Variants in NBEA observed in about 807,000 individuals in gnomAD.
NBEA encodes lysosomal-trafficking regulator 2.
A neutral mutation model predicts 343.4 loss-of-function variants in NBEA; 44 were observed. The observed-to-expected ratio is 0.13, with a 90% CI of 0.10 to 0.16. NBEA has a LOEUF of 0.16. Ranked by LOEUF, NBEA falls within the 10% of genes least tolerant of loss-of-function variation. NBEA has a pLI of 1.00. For synonymous variants in NBEA, 1,175 were observed against 1,238.7 expected, an observed-to-expected ratio of 0.95 and a Z score of 1.08; for missense variants, 2,555 against 3,631.3, an observed-to-expected ratio of 0.70 and a Z score of 7.62.
chr13:35,558,106 G>T (rs2079665750), intron 44 of NBEA, among the ~76,000 whole-genome samples: 1 of 152,114 alleles, frequency 6.6e-6, no homozygotes, highest in Admixed American at 6.6e-5. Flanking sequence ...TATAAGGGGA[G>T]TAGTAATAGT....
intron 16 of NBEA, 103 bp from the exon 17 acceptor site, chr13:35,123,377 CAG>C (rs2066904946): frequency 3.7e-6 from 2 of 540,474 alleles, no homozygotes; most frequent in Non-Finnish European, 5.9e-6. Flanking sequence ...AGAAAATCTT[CAG>C]AGTTTTATAT....
chr13:35,567,405 A>T (rs929820482), intron 45 of NBEA, among the ~76,000 whole-genome samples: 18 of 152,246 alleles, frequency 1.2e-4, no homozygotes, highest in African/African-American at 4.3e-4. Context: ...GGGAAATATA[A>T]TACTGAAAAG....
rs148089353 is a variant in NBEA, at chr13:35,224,331, T to C, written c.5649-8161T>C. Among the ~76,000 whole-genome samples, 612 of 152,328 alleles carry C rather than the reference T, an allele frequency of 4.0e-3. 3 individuals are homozygous for C. Among genetic ancestry groups the C allele is most frequent in the African/African-American group, 0.014 (592 of 41,572 alleles). On this transcript the variant is annotated intron_variant, in intron 33 of 58. Transcript: ENST00000379939. ...TTAGGTATCTTTGTGGAGCCATTAT[T>C]TGGCATACCAGCATACTGCACTTCT...
chr13:35,285,037 C>T (rs1002690965), intron 34 of NBEA, among the ~76,000 whole-genome samples: 1 of 152,098 alleles, frequency 6.6e-6, no homozygotes, highest in African/African-American at 2.4e-5. Flanking sequence ...GCATATTGGA[C>T]ATGCAAAATT....
chr13:35,594,949 A>T (rs956511983), intron 47 of NBEA, among the ~76,000 whole-genome samples: 148 of 96,344 alleles, frequency 1.5e-3, no homozygotes, highest in African/African-American at 4.0e-3. Context: ...TGACATCATC[A>T]CACACACACA....
intron 57 of NBEA, among the ~76,000 whole-genome samples, 161 bp downstream of exon 57, chr13:35,667,731 C>A (rs548732691): frequency 2.6e-5 from 4 of 152,248 alleles, no homozygotes; most frequent in African/African-American, 7.2e-5. Context: ...TTAAAGAAAC[C>A]CAAAGTTCAT....
intron 38 of NBEA, among the ~76,000 whole-genome samples, chr13:35,370,694 G>C (rs890997927): frequency 1.3e-5 from 2 of 152,046 alleles, no homozygotes; most frequent in Non-Finnish European, 1.5e-5. Flanking sequence ...TTTCTTATTT[G>C]TGTGTTTAGT....
At chr13:34,960,000 A>G (rs1363522942) in intron 1 of NBEA, among the ~76,000 whole-genome samples, 1 of 152,180 alleles carries the variant, frequency 6.6e-6, no homozygotes, top group African/African-American at 2.4e-5. Flanking sequence ...AAGCTTAAAA[A>G]AAAAGTTAAC....
chr13:35,453,930 T>C (rs986611565), intron 40 of NBEA, among the ~76,000 whole-genome samples: 1 of 152,216 alleles, frequency 6.6e-6, no homozygotes, highest in African/African-American at 2.4e-5. Context: ...AAATAAACTT[T>C]TTAAAATCAA....
chr13:35,168,709 A>G (rs1295402656), intron 24 of NBEA, among the ~76,000 whole-genome samples: 1 of 151,344 alleles, frequency 6.6e-6, no homozygotes. Context: ...AGTATGCATT[A>G]TTTCTAATAT....
chr13:35,182,753 T>G (rs2071403369), intron 29 of NBEA, among the ~76,000 whole-genome samples: 1 of 151,942 alleles, frequency 6.6e-6, no homozygotes, highest in African/African-American at 2.4e-5. Context: ...TTGGTTTCAG[T>G]GTTTCTCATT....
At chr13:35,662,537 C>T (rs981961826) in intron 55 of NBEA, among the ~76,000 whole-genome samples, 4 of 152,160 alleles carry the variant, frequency 2.6e-5, no homozygotes, top group Admixed American at 6.5e-5. Context: ...TTTCCCAACT[C>T]AGAAAGCCTG....
At chr13:35,310,035 T>C (rs1225060875) in intron 36 of NBEA, among the ~76,000 whole-genome samples, 2 of 152,116 alleles carry the variant, frequency 1.3e-5, no homozygotes, top group African/African-American at 2.4e-5. Flanking sequence ...ATATAGCAAA[T>C]ATATCTGTCT....
At chr13:35,124,256 T>A (rs1371384244) in intron 17 of NBEA, among the ~76,000 whole-genome samples, 1 of 150,604 alleles carries the variant, frequency 6.6e-6, no homozygotes, top group East Asian at 1.9e-4. Flanking sequence ...CGCCCTTGTT[T>A]TTTTTTTTTT....
chr13:35,107,340 A>T (rs1235729978), intron 11 of NBEA, among the ~76,000 whole-genome samples: 1 of 151,472 alleles, frequency 6.6e-6, no homozygotes, highest in African/African-American at 2.4e-5. Context: ...TAAAATTTTC[A>T]TTGAAAATTA....
rs748187313 is a variant in NBEA, at chr13:35,555,071, C to T, written c.6891C>T (p.Phe2297=). Residue 2297 remains phenylalanine (F), a synonymous_variant, in exon 44 of 59, where the codon TTC becomes TTT. Coordinates refer to ENST00000379939, the MANE Select transcript of NBEA (RefSeq NM_001385012.1). Reference sequence around the variant, plus strand: ...GGCAAAGAAGGGAAATTTCAAACTTCGAATATTTGATGTTCCTTAATACTA... The same window carrying T: ...GGCAAAGAAGGGAAATTTCAAACTTTGAATATTTGATGTTCCTTAATACTA... The part of the protein sequence containing the change: ...QRWQRREISN[F]EYLMFLNTIA... 19 of 1,608,364 alleles carry T rather than the reference C, an allele frequency of 1.2e-5. No homozygotes were observed. Among genetic ancestry groups the T allele is most frequent in the Admixed American group, 3.3e-5 (2 of 59,812 alleles).
At chr13:35,431,633 A>G (rs1438823821) in intron 38 of NBEA, among the ~76,000 whole-genome samples, 2 of 152,170 alleles carry the variant, frequency 1.3e-5, no homozygotes, top group Non-Finnish European at 2.9e-5. Flanking sequence ...TAGAGTAACA[A>G]TTTACCAAGA....
chr13:34,942,813 G>C lies in NBEA; in HGVS notation c.-8G>C, dbSNP rs1250943920. On this transcript the variant is annotated 5_prime_UTR_variant, in exon 1 of 59. Transcript: ENST00000379939. ...GCTGCTCTTCCCTTCTCCTCAGGAGGGGGGCCAATGGCTAGCGAGAAGCCG... is the reference window on the plus strand; with the variant it reads ...GCTGCTCTTCCCTTCTCCTCAGGAGCGGGGCCAATGGCTAGCGAGAAGCCG... 7 of 1,359,916 alleles carry C rather than the reference G, an allele frequency of 5.1e-6. No homozygotes were observed. In the Admixed American group the frequency reaches 1.5e-4, roughly 29 times the overall value. 84.2% of individuals were successfully genotyped at this position (1,359,916 alleles called of 1,614,324 possible).
At chr13:35,338,615 G>A (rs930483678) in intron 36 of NBEA, among the ~76,000 whole-genome samples, 4 of 151,966 alleles carry the variant, frequency 2.6e-5, no homozygotes, top group Non-Finnish European at 4.4e-5. Context: ...ATTTTATGAG[G>A]CGAGTATTAC....
Sources: gnomAD v4.1 joint callset for allele counts (sites outside exome capture counted in the v4.1 genomes callset) on GRCh38, gnomAD v4.1.1 for gene constraint, MANE v1.5 for transcripts, NCBI Gene and HGNC (gene_info 2026-07-23, HGNC 2026-07-21) for gene names.